Variants in AUTS2 observed in about 807,000 individuals in gnomAD.
AUTS2 encodes the protein activator of transcription and developmental regulator AUTS2.
AUTS2 carries 17 observed loss-of-function variants against 112.4 expected under a neutral mutation model. That is an observed-to-expected ratio of 0.15 (90% CI 0.10 to 0.23). The LOEUF (loss-of-function observed/expected upper bound fraction) is 0.23. Ranked by LOEUF, AUTS2 falls within the 10% of genes least tolerant of loss-of-function variation. The pLI is 1.00. For missense variants in AUTS2, 1,510 were observed against 1,701.6 expected, an observed-to-expected ratio of 0.89 and a Z score of 1.98; for synonymous variants, 751 against 702.7, an observed-to-expected ratio of 1.07 and a Z score of -1.09.
chr7:70,501,544 A>G lies in AUTS2; in HGVS notation c.690+65763A>G, dbSNP rs546690320. ...AGCCACACCCACAGGTGACAAAAGC[A>G]CAGTGGAACTTACCCTCAGGCCCTT... On this transcript the variant is annotated intron_variant, in intron 5 of 18. Transcript: ENST00000342771. 3.9e-5 allele frequency among the ~76,000 whole-genome samples: 6 copies of G among 152,310 alleles called. No homozygotes were observed. In the South Asian group the frequency reaches 8.3e-4, roughly 21 times the overall value.
chr7:70,321,866 A>G (rs1585016009), intron 4 of AUTS2, among the ~76,000 whole-genome samples: 2 of 152,300 alleles, frequency 1.3e-5, no homozygotes, highest in South Asian at 2.1e-4. Context: ...AAGCATGTTG[A>G]TAATGAAGTT....
At chr7:70,165,947 C>T (rs1053094544) in intron 4 of AUTS2, among the ~76,000 whole-genome samples, 7 of 151,896 alleles carry the variant, frequency 4.6e-5, no homozygotes, top group Admixed American at 1.3e-4. Flanking sequence ...TTCCCCACTG[C>T]TGTTCTCATG....
chr7:69,722,821 C>G (rs2129217875), intron 1 of AUTS2, among the ~76,000 whole-genome samples: 1 of 150,340 alleles, frequency 6.7e-6, no homozygotes, highest in South Asian at 2.1e-4. Context: ...GAGTCCTTTG[C>G]TTTAATAGAA....
intron 5 of AUTS2, among the ~76,000 whole-genome samples, chr7:70,643,006 C>T (rs150741338): frequency 2.2e-4 from 33 of 152,318 alleles, no homozygotes; most frequent in Admixed American, 7.2e-4. Flanking sequence ...GACCACCCTT[C>T]TTGATTTTTG....
chr7:69,972,154 G>A (rs1353102241), intron 2 of AUTS2, among the ~76,000 whole-genome samples: 2 of 152,154 alleles, frequency 1.3e-5, no homozygotes, highest in African/African-American at 4.8e-5. Flanking sequence ...TGTACTGATG[G>A]TGTCCAGTGA....
chr7:69,754,409 G>A (rs546021767), intron 1 of AUTS2, among the ~76,000 whole-genome samples: 1 of 152,308 alleles, frequency 6.6e-6, no homozygotes, highest in Admixed American at 6.5e-5. Flanking sequence ...GTAAGATACA[G>A]GGATTTGTAT....
chr7:70,343,046 G>A (rs556446922), intron 4 of AUTS2, among the ~76,000 whole-genome samples: 1 of 152,230 alleles, frequency 6.6e-6, no homozygotes, highest in East Asian at 1.9e-4. Flanking sequence ...GGGCAGTATT[G>A]AACACCTCTC....
intron 5 of AUTS2, among the ~76,000 whole-genome samples, chr7:70,566,390 G>A (rs1801709449): frequency 6.6e-6 from 1 of 152,092 alleles, no homozygotes; most frequent in Non-Finnish European, 1.5e-5. Flanking sequence ...TGAAATTCCT[G>A]TCCTGTAAAA....
intron 1 of AUTS2, among the ~76,000 whole-genome samples, chr7:69,695,986 T>G (rs941602810): frequency 3.3e-5 from 5 of 152,250 alleles, no homozygotes; most frequent in African/African-American, 1.2e-4. Context: ...TTTTGTTTTG[T>G]GGGCCCTGAA....
chr7:70,703,608 C>G (rs1809582013), intron 6 of AUTS2, among the ~76,000 whole-genome samples: 1 of 151,792 alleles, frequency 6.6e-6, no homozygotes, highest in Non-Finnish European at 1.5e-5. Flanking sequence ...TTTAAAATCC[C>G]TTTATAATGA....
intron 4 of AUTS2, among the ~76,000 whole-genome samples, chr7:70,393,207 C>CA (rs1218180829): frequency 1.3e-5 from 2 of 152,194 alleles, no homozygotes; most frequent in Non-Finnish European, 2.9e-5. Flanking sequence ...CTGAAAAACT[C>CA]AATCAGCTTT....
At chr7:70,347,106 C>T (rs1337079945) in intron 4 of AUTS2, among the ~76,000 whole-genome samples, 3 of 152,162 alleles carry the variant, frequency 2.0e-5, no homozygotes, top group African/African-American at 7.2e-5. Flanking sequence ...CAGGATATTG[C>T]GGTGTGCCTC....
At chr7:69,687,874 C>A (rs531422017) in intron 1 of AUTS2, among the ~76,000 whole-genome samples, 1 of 152,134 alleles carries the variant, frequency 6.6e-6, no homozygotes, top group South Asian at 2.1e-4. Flanking sequence ...AATTGAAATA[C>A]CCTGCCACTT....
At chr7:70,121,088 T>C (rs1805657158) in intron 3 of AUTS2, among the ~76,000 whole-genome samples, 2 of 152,116 alleles carry the variant, frequency 1.3e-5, no homozygotes. Context: ...CCAAGACACT[T>C]CAATGGGGAA....
intron 1 of AUTS2, among the ~76,000 whole-genome samples, chr7:69,694,178 G>T (rs1797459681): frequency 6.6e-6 from 1 of 152,140 alleles, no homozygotes; most frequent in Non-Finnish European, 1.5e-5. Context: ...TTGATTCCCT[G>T]CTACCAAGTA....
At chr7:70,023,559 A>AATGAAT (rs1347361870) in intron 2 of AUTS2, among the ~76,000 whole-genome samples, 1 of 152,212 alleles carries the variant, frequency 6.6e-6, no homozygotes, top group Non-Finnish European at 1.5e-5. Context: ...TAAAGTGAGG[A>AATGAAT]TAATGAGTTA....
At chr7:69,628,658 T>G (rs1378893276) in intron 1 of AUTS2, among the ~76,000 whole-genome samples, 1 of 152,152 alleles carries the variant, frequency 6.6e-6, no homozygotes, top group Non-Finnish European at 1.5e-5. Flanking sequence ...TGTCTTCATA[T>G]GGCTAGAGCA....
chr7:69,748,054 C>T (rs1787582437), intron 1 of AUTS2, among the ~76,000 whole-genome samples: 1 of 151,692 alleles, frequency 6.6e-6, no homozygotes, highest in African/African-American at 2.4e-5. Context: ...TTTAGGGTTC[C>T]TTATTAGAAT....
chr7:69,875,153 T>C (rs1793676945), intron 1 of AUTS2, among the ~76,000 whole-genome samples: 2 of 152,176 alleles, frequency 1.3e-5, no homozygotes, highest in African/African-American at 4.8e-5. Context: ...TTTTGCTCTC[T>C]TTTAAACCAT....
Sources: gnomAD v4.1 joint callset for allele counts (sites outside exome capture counted in the v4.1 genomes callset) on GRCh38, gnomAD v4.1.1 for gene constraint, MANE v1.5 for transcripts, NCBI Gene and HGNC (gene_info 2026-07-23, HGNC 2026-07-21) for gene names.